Variants in CLMN observed in about 807,000 individuals in gnomAD.
CLMN encodes the protein calmin.
In CLMN, 57 loss-of-function variants were observed where a neutral mutation model predicts 92.7. The ratio of observed to expected loss-of-function variants is 0.61; its 90% CI spans 0.50 to 0.77. CLMN has a LOEUF of 0.77. CLMN is among the 30% of genes least tolerant of loss of function. CLMN has a pLI of 0.00. For synonymous variants in CLMN, 466 were observed against 470.6 expected (o/e 0.99, Z 0.13); for missense variants, 1,158 against 1,237.5 (o/e 0.94, Z 0.96).
chr14:95,292,015 G>A (rs143538959), intron 1 of CLMN, among the ~76,000 whole-genome samples: 335 of 152,356 alleles, frequency 2.2e-3, no homozygotes, highest in African/African-American at 7.7e-3. Context: ...CTGTGCCAAG[G>A]GTTGACGTGT....
rs190888867 is a variant in CLMN, at chr14:95,234,228, A to G, written c.83-4095T>C. Among the ~76,000 whole-genome samples the G allele has an allele frequency of 8.0e-3, 1,216 of 152,200 alleles. 24 individuals carry two copies. The highest frequency in any genetic ancestry group is 0.028 in the African/African-American group (1,154 of 41,516). ...GGAGATTAAATGATATCAGCCCAGA[A>G]AGCACCCCCACAGCTGCTGCCGCAA... On this transcript the variant is annotated intron_variant, in intron 1 of 12. Coordinates refer to ENST00000298912, the MANE Select transcript of CLMN (RefSeq NM_024734.4).
intron 1 of CLMN, among the ~76,000 whole-genome samples, chr14:95,312,647 A>G (rs1901591966): frequency 6.6e-6 from 1 of 152,086 alleles, no homozygotes; most frequent in East Asian, 1.9e-4. Flanking sequence ...CCAGGCCCCT[A>G]TATTCACATA....
intron 4 of CLMN, 82 bp from the exon 5 acceptor site, chr14:95,215,815 CTG>C (rs57063101): frequency 0.093 from 52,005 of 558,252 alleles, 1,201 homozygotes; most frequent in Admixed American, 0.13. Context: ...CTCTCTCTCT[CTG>C]TGTGTGTGTG....
intron 2 of CLMN, among the ~76,000 whole-genome samples, chr14:95,229,841 C>T (rs1595597286): frequency 6.6e-6 from 1 of 152,090 alleles, no homozygotes; most frequent in Non-Finnish European, 1.5e-5. Context: ...AAGACAGACC[C>T]TCTCTTTCCT....
chr14:95,260,131 T>G (rs183229122), intron 1 of CLMN, among the ~76,000 whole-genome samples: 4 of 152,286 alleles, frequency 2.6e-5, no homozygotes, highest in African/African-American at 7.2e-5. Flanking sequence ...CTGTCCTGCA[T>G]ATTGGTTCAC....
chr14:95,312,346 C>T (rs1901577840), intron 1 of CLMN, among the ~76,000 whole-genome samples: 1 of 152,188 alleles, frequency 6.6e-6, no homozygotes, highest in Non-Finnish European at 1.5e-5. Flanking sequence ...AGTGGGTAAG[C>T]CCATTTCTAA....
At chr14:95,207,193 C>T (rs572225570) in intron 8 of CLMN, among the ~76,000 whole-genome samples, 78 of 152,188 alleles carry the variant, frequency 5.1e-4, no homozygotes, top group Admixed American at 1.8e-3. Context: ...TCAATATATT[C>T]GTCACCTCAA....
intron 12 of CLMN, 127 bp downstream of exon 12, chr14:95,193,722 A>G: frequency 8.6e-7 from 1 of 1,163,398 alleles, no homozygotes; most frequent in Non-Finnish European, 1.2e-6. Context: ...ATTTTCTTGC[A>G]TTATCCCAAA....
At chr14:95,245,903 A>AATGG (rs61217941) in intron 1 of CLMN, among the ~76,000 whole-genome samples, 41,402 of 148,072 alleles carry the variant, frequency 0.28, 6,330 homozygotes, top group East Asian at 0.45. Flanking sequence ...CACACGGATG[A>AATGG]ATGGATGGAT....
chr14:95,218,614 C>T (rs760100121), intron 4 of CLMN, among the ~76,000 whole-genome samples: 4 of 152,198 alleles, frequency 2.6e-5, no homozygotes, highest in Non-Finnish European at 5.9e-5. Context: ...CGAGGGCCCA[C>T]TGAGTATTTT....
chr14:95,231,473 C>T (rs1372285117), intron 1 of CLMN, among the ~76,000 whole-genome samples: 4 of 152,152 alleles, frequency 2.6e-5, no homozygotes, highest in Non-Finnish European at 5.9e-5. Context: ...ACTGGGATTA[C>T]AGGCGTGAGC....
intron 1 of CLMN, among the ~76,000 whole-genome samples, chr14:95,316,687 T>C (rs1223112161): frequency 1.3e-5 from 2 of 152,192 alleles, no homozygotes; most frequent in East Asian, 1.9e-4. Flanking sequence ...AACTTAAACT[T>C]ATGGATATAT....
At chr14:95,284,003 C>T (rs530046540) in intron 1 of CLMN, among the ~76,000 whole-genome samples, 1 of 152,284 alleles carries the variant, frequency 6.6e-6, no homozygotes, top group South Asian at 2.1e-4. Context: ...CCCATCACAG[C>T]CCCAGAGGCC....
At chr14:95,302,540 C>T (rs796929208) in intron 1 of CLMN, among the ~76,000 whole-genome samples, 3 of 152,088 alleles carry the variant, frequency 2.0e-5, no homozygotes, top group African/African-American at 7.2e-5. Flanking sequence ...ATTATCATTT[C>T]AACATTTAGG....
At chr14:95,193,704 G>T in intron 12 of CLMN, 145 bp downstream of exon 12, 4 of 998,286 alleles carry the variant, frequency 4.0e-6, no homozygotes, top group Non-Finnish European at 4.4e-6. Context: ...ATTTTCTCTG[G>T]AATAGTTATT....
intron 1 of CLMN, among the ~76,000 whole-genome samples, chr14:95,273,007 A>T (rs1010766473): frequency 1.3e-5 from 2 of 152,198 alleles, no homozygotes; most frequent in Non-Finnish European, 2.9e-5. Flanking sequence ...TGGTTGTGTG[A>T]GTCCTTAATG....
At chr14:95,234,858 T>C (rs1447492705) in intron 1 of CLMN, among the ~76,000 whole-genome samples, 1 of 152,234 alleles carries the variant, frequency 6.6e-6, no homozygotes, top group African/African-American at 2.4e-5. Context: ...GAGAAAGGGA[T>C]GCACGCATTA....
chr14:95,195,679 T>G (rs1193460580), intron 10 of CLMN, among the ~76,000 whole-genome samples: 1 of 152,242 alleles, frequency 6.6e-6, no homozygotes, highest in East Asian at 1.9e-4. Flanking sequence ...CCCCTGACCT[T>G]CTTTGTCTGC....
intron 1 of CLMN, among the ~76,000 whole-genome samples, chr14:95,271,668 C>T (rs532200718): frequency 8.5e-5 from 13 of 152,278 alleles, no homozygotes; most frequent in East Asian, 3.9e-4. Context: ...AGTTGAGGCA[C>T]GATTCAGTGC....
Sources: allele counts gnomAD v4.1 joint callset (sites outside exome capture counted in the v4.1 genomes callset), GRCh38; gene constraint gnomAD v4.1.1; transcripts MANE v1.5; gene names NCBI Gene and HGNC (gene_info 2026-07-23, HGNC 2026-07-21).